The following SGCD variants were observed in gnomAD, a reference collection of about 807,000 sequenced individuals.
SGCD encodes delta-sarcoglycan.
A neutral mutation model predicts 36.6 loss-of-function variants in SGCD; 18 were observed. That is an observed-to-expected ratio of 0.49 (90% CI 0.34 to 0.73). The LOEUF (loss-of-function observed/expected upper bound fraction) is 0.73, where lower values mean the gene tolerates loss of function less well. Among genes scored for constraint, SGCD ranks in the 30% least tolerant of loss-of-function variants. The pLI is 0.01. For synonymous variants in SGCD, 133 were observed against 130.6 expected (o/e 1.02, Z -0.12); for missense variants, 387 against 346.7 (o/e 1.12, Z -0.92).
the SGCD span, among the ~76,000 whole-genome samples, chr5:155,757,791 A>T: frequency 6.6e-6 from 1 of 152,240 alleles, no homozygotes; most frequent in African/African-American, 2.4e-5. Context: ...TCTCCACTCA[A>T]ATCTCATCTT....
intron 1 of SGCD, among the ~76,000 whole-genome samples, chr5:155,954,953 G>C (rs542298377): frequency 6.6e-6 from 1 of 152,128 alleles, no homozygotes; most frequent in African/African-American, 2.4e-5. Flanking sequence ...ACAGGCTCGA[G>C]ACCCAAGCAG....
the SGCD span, among the ~76,000 whole-genome samples, chr5:155,811,533 G>C: frequency 6.6e-6 from 1 of 152,246 alleles, no homozygotes; most frequent in African/African-American, 2.4e-5. Context: ...CATTAAGCTG[G>C]GGACAAGCAT....
intron 4 of SGCD, among the ~76,000 whole-genome samples, chr5:156,551,520 A>C (rs1337127386): frequency 6.6e-6 from 1 of 152,050 alleles, no homozygotes; most frequent in Non-Finnish European, 1.5e-5. Flanking sequence ...TTGCGGGGGC[A>C]GGGGAGTGTA....
At chr5:156,062,239 A>G (rs1760234634) in intron 1 of SGCD, among the ~76,000 whole-genome samples, 2 of 62,676 alleles carry the variant, frequency 3.2e-5, no homozygotes, top group Non-Finnish European at 5.2e-5. Flanking sequence ...AATTTCATCC[A>G]TGTCCCTACA....
At chr5:156,139,434 G>A (rs774023668) in intron 3 of SGCD, among the ~76,000 whole-genome samples, 14 of 152,110 alleles carry the variant, frequency 9.2e-5, no homozygotes, top group Non-Finnish European at 1.9e-4. Context: ...AAACAAGGCT[G>A]TCTTTCTCTG....
intron 3 of SGCD, among the ~76,000 whole-genome samples, chr5:156,405,296 A>G (rs1298578714): frequency 6.6e-6 from 1 of 152,216 alleles, no homozygotes; most frequent in Non-Finnish European, 1.5e-5. Flanking sequence ...ATGACAAATA[A>G]ATGCCACTAA....
At chr5:156,198,539 G>T (rs1260799961) in intron 3 of SGCD, among the ~76,000 whole-genome samples, 2 of 152,086 alleles carry the variant, frequency 1.3e-5, no homozygotes, top group African/African-American at 4.8e-5. Context: ...TAGTTGGACT[G>T]GGATTTGTAT....
the SGCD span, among the ~76,000 whole-genome samples, chr5:155,738,424 A>G: frequency 6.6e-6 from 1 of 152,186 alleles, no homozygotes; most frequent in African/African-American, 2.4e-5. Context: ...CCTCTTTTAC[A>G]CAAGTGACAG....
At chr5:156,202,850 A>G (rs756449003) in intron 3 of SGCD, among the ~76,000 whole-genome samples, 2 of 146,668 alleles carry the variant, frequency 1.4e-5, no homozygotes, top group Non-Finnish European at 3.0e-5. Context: ...CTGTTTCTGT[A>G]TGCCTCTTGT....
At chr5:156,261,546 T>C (rs995555109) in intron 3 of SGCD, among the ~76,000 whole-genome samples, 1 of 152,238 alleles carries the variant, frequency 6.6e-6, no homozygotes. Context: ...ACTGCCATTA[T>C]CTAAAAGTAT....
chr5:156,024,821 G>A (rs1394684892), intron 1 of SGCD, among the ~76,000 whole-genome samples: 1 of 151,956 alleles, frequency 6.6e-6, no homozygotes, highest in Non-Finnish European at 1.5e-5. Flanking sequence ...AGCCGGGCAT[G>A]GTGGCGTGTG....
At chr5:156,246,441 GA>G (rs1364585234) in intron 3 of SGCD, among the ~76,000 whole-genome samples, 1 of 152,018 alleles carries the variant, frequency 6.6e-6, no homozygotes, top group Non-Finnish European at 1.5e-5. Flanking sequence ...TAAGGTTATA[GA>G]TTTTTTTTTT....
intron 3 of SGCD, among the ~76,000 whole-genome samples, chr5:156,440,557 G>A (rs1188519010): frequency 6.6e-6 from 1 of 152,078 alleles, no homozygotes; most frequent in Non-Finnish European, 1.5e-5. Context: ...TGTTATGGCT[G>A]TACTATTTGG....
chr5:156,212,479 G>A (rs561145017), intron 3 of SGCD, among the ~76,000 whole-genome samples: 2 of 152,230 alleles, frequency 1.3e-5, no homozygotes, highest in African/African-American at 4.8e-5. Flanking sequence ...ACCCAACATT[G>A]GAGCATCTAA....
chr5:156,524,893 G>C (rs1016369359), intron 4 of SGCD, among the ~76,000 whole-genome samples: 20 of 152,020 alleles, frequency 1.3e-4, no homozygotes, highest in Non-Finnish European at 2.9e-4. Context: ...CATCCACGTT[G>C]TTAAAAATGA....
chr5:156,116,979 G>A (rs763283907), intron 1 of SGCD, among the ~76,000 whole-genome samples: 3 of 152,028 alleles, frequency 2.0e-5, no homozygotes, highest in Non-Finnish European at 4.4e-5. Context: ...ACACATCAGT[G>A]TGGCAGGTCA....
chr5:155,917,878 C>T (rs1246825084), intron 1 of SGCD, among the ~76,000 whole-genome samples: 2 of 152,098 alleles, frequency 1.3e-5, no homozygotes, highest in Non-Finnish European at 2.9e-5. Flanking sequence ...TTCAAAGAGC[C>T]CTTTGGCTTC....
At chr5:155,911,319 G>GTGTGTA (rs145927722) in intron 1 of SGCD, among the ~76,000 whole-genome samples, 66,559 of 140,934 alleles carry the variant, frequency 0.47, 16,250 homozygotes, top group Middle Eastern at 0.57. Flanking sequence ...GTGTGTGTGT[G>GTGTGTA]TATATATATA....
At chr5:155,934,075 A>G (rs988816622) in intron 1 of SGCD, among the ~76,000 whole-genome samples, 1 of 152,216 alleles carries the variant, frequency 6.6e-6, no homozygotes, top group Non-Finnish European at 1.5e-5. Flanking sequence ...AGAAAGAATG[A>G]CTGATTAATC....
Sources: gnomAD v4.1 joint callset for allele counts (sites outside exome capture counted in the v4.1 genomes callset) on GRCh38, gnomAD v4.1.1 for gene constraint, MANE v1.5 for transcripts, NCBI Gene and HGNC (gene_info 2026-07-23, HGNC 2026-07-21) for gene names.